Variants in GALNTL6 observed in about 807,000 individuals in gnomAD.
GALNTL6 encodes the protein polypeptide N-acetylgalactosaminyltransferase-like 6.
In GALNTL6, 46 loss-of-function variants were observed where a neutral mutation model predicts 73.7. That is an observed-to-expected ratio of 0.62 (90% CI 0.49 to 0.80). The LOEUF (loss-of-function observed/expected upper bound fraction) is 0.80, where lower values mean the gene tolerates loss of function less well. GALNTL6 is among the 30% of genes least tolerant of loss of function. The pLI, the probability that GALNTL6 is intolerant of heterozygous loss-of-function variation, is 0.00. For missense variants in GALNTL6, 604 were observed against 755.0 expected (o/e 0.80, Z 2.34); for synonymous variants, 259 against 263.7 (o/e 0.98, Z 0.17).
chr4:171,922,320 C>G (rs116562990), intron 2 of GALNTL6, among the ~76,000 whole-genome samples: 4,890 of 152,134 alleles, frequency 0.032, 161 homozygotes, highest in Non-Finnish European at 0.051. Flanking sequence ...TTACAGCTAA[C>G]TTTGTGACAA....
chr4:172,891,065 C>T (rs2111212804), intron 8 of GALNTL6, among the ~76,000 whole-genome samples: 1 of 150,876 alleles, frequency 6.6e-6, no homozygotes, highest in South Asian at 2.1e-4. Flanking sequence ...TTCCTTTGAG[C>T]CTATGGGTGT....
intron 2 of GALNTL6, among the ~76,000 whole-genome samples, chr4:172,108,570 A>G (rs1006325376): frequency 6.6e-6 from 1 of 152,180 alleles, no homozygotes; most frequent in African/African-American, 2.4e-5. Flanking sequence ...TACTCTGTCC[A>G]CATATTAAAA....
intron 5 of GALNTL6, among the ~76,000 whole-genome samples, chr4:172,595,582 A>G (rs1269736426): frequency 3.9e-5 from 6 of 152,332 alleles, no homozygotes; most frequent in South Asian, 2.1e-4. Context: ...GTATTGTTAT[A>G]TTTAAAGTAT....
intron 7 of GALNTL6, among the ~76,000 whole-genome samples, chr4:172,861,624 G>C (rs1744397705): frequency 6.6e-6 from 1 of 152,150 alleles, no homozygotes; most frequent in East Asian, 1.9e-4. Context: ...ATCTTATCTT[G>C]AATTACAGCA....
chr4:172,520,545 T>G (rs201632193), intron 5 of GALNTL6, among the ~76,000 whole-genome samples: 2 of 148,318 alleles, frequency 1.3e-5, no homozygotes, highest in East Asian at 3.9e-4. Flanking sequence ...AGTCTTTTCG[T>G]TTTTTTTTTC....
At chr4:171,853,684 C>T (rs1735595379) in intron 2 of GALNTL6, among the ~76,000 whole-genome samples, 1 of 129,728 alleles carries the variant, frequency 7.7e-6, no homozygotes, top group African/African-American at 2.9e-5. Context: ...GATCTTGGCT[C>T]ACTGCAATCT....
chr4:171,851,278 G>T (rs1258443310), intron 2 of GALNTL6, among the ~76,000 whole-genome samples: 2 of 152,082 alleles, frequency 1.3e-5, no homozygotes, highest in Non-Finnish European at 2.9e-5. Context: ...TGGAATTGTT[G>T]TCACTTCTTA....
At chr4:172,118,377 GA>G (rs1338999833) in intron 2 of GALNTL6, among the ~76,000 whole-genome samples, 1 of 152,022 alleles carries the variant, frequency 6.6e-6, no homozygotes, top group African/African-American at 2.4e-5. Context: ...AATTCAAAAA[GA>G]AAATTTAAAC....
intron 2 of GALNTL6, among the ~76,000 whole-genome samples, chr4:172,159,823 A>G (rs190052676): frequency 2.6e-5 from 4 of 152,284 alleles, no homozygotes; most frequent in Admixed American, 2.0e-4. Flanking sequence ...TTTTGTGTGC[A>G]AAGTAGATTG....
intron 5 of GALNTL6, among the ~76,000 whole-genome samples, chr4:172,535,042 C>T (rs919881888): frequency 1.4e-4 from 22 of 152,130 alleles, no homozygotes; most frequent in African/African-American, 5.1e-4. Flanking sequence ...AAGAGCTAAA[C>T]ACGACATTCA....
intron 5 of GALNTL6, among the ~76,000 whole-genome samples, chr4:172,604,991 T>G (rs1419440688): frequency 2.0e-5 from 3 of 152,224 alleles, no homozygotes; most frequent in African/African-American, 4.8e-5. Flanking sequence ...GGAAACTCAC[T>G]GACATTGAAG....
intron 4 of GALNTL6, among the ~76,000 whole-genome samples, chr4:172,342,699 C>A (rs72702893): frequency 0.029 from 4,388 of 152,226 alleles, 95 homozygotes; most frequent in Middle Eastern, 0.061. Flanking sequence ...TTTTGTCCAA[C>A]AAGTAAAATG....
chr4:172,247,622 C>A (rs1212587859), intron 3 of GALNTL6, among the ~76,000 whole-genome samples: 1 of 152,148 alleles, frequency 6.6e-6, no homozygotes, highest in Non-Finnish European at 1.5e-5. Context: ...CAATACAAAG[C>A]TGTGAAACTC....
intron 7 of GALNTL6, among the ~76,000 whole-genome samples, chr4:172,853,372 G>A (rs889498858): frequency 4.6e-5 from 7 of 152,132 alleles, no homozygotes; most frequent in Non-Finnish European, 1.0e-4. Flanking sequence ...GGCTATCTGA[G>A]GTAACATAGT....
At chr4:172,264,555 AATATATAT>A (rs201920170) in intron 3 of GALNTL6, among the ~76,000 whole-genome samples, 2,836 of 103,700 alleles carry the variant, frequency 0.027, 94 homozygotes, top group East Asian at 0.07. Flanking sequence ...ATATATGCCA[AATATATAT>A]ATATATATAT....
chr4:172,633,509 A>G (rs551869586), intron 5 of GALNTL6, among the ~76,000 whole-genome samples: 5 of 152,294 alleles, frequency 3.3e-5, no homozygotes, highest in South Asian at 4.1e-4. Context: ...CCCCCATTGT[A>G]TCTAGGAAGT....
At chr4:172,420,761 A>T (rs1731025054) in intron 5 of GALNTL6, among the ~76,000 whole-genome samples, 1 of 152,158 alleles carries the variant, frequency 6.6e-6, no homozygotes, top group African/African-American at 2.4e-5. Context: ...CTTGGAACCA[A>T]CCCAAACGCC....
At chr4:171,928,857 A>T (rs2110992615) in intron 2 of GALNTL6, among the ~76,000 whole-genome samples, 1 of 152,268 alleles carries the variant, frequency 6.6e-6, no homozygotes, top group South Asian at 2.1e-4. Flanking sequence ...CATCTGGGTT[A>T]TTGTAAGTAC....
At chr4:172,158,845 G>T (rs1734365623) in intron 2 of GALNTL6, among the ~76,000 whole-genome samples, 1 of 152,090 alleles carries the variant, frequency 6.6e-6, no homozygotes, top group Non-Finnish European at 1.5e-5. Flanking sequence ...ATCAGACAAA[G>T]AATTTAGCTT....
Sources: allele counts gnomAD v4.1 joint callset (sites outside exome capture counted in the v4.1 genomes callset), GRCh38; gene constraint gnomAD v4.1.1; transcripts MANE v1.5; gene names NCBI Gene and HGNC (gene_info 2026-07-23, HGNC 2026-07-21).